The following HMOX2 variants were observed in gnomAD, a reference collection of about 807,000 sequenced individuals.
HMOX2 encodes heme oxygenase 2, also known as heme oxygenase (decycling) 2.
In HMOX2, 30 loss-of-function variants were observed where a neutral mutation model predicts 33.7. That is an observed-to-expected ratio of 0.89 (90% confidence interval 0.67 to 1.21). The LOEUF is 1.21. HMOX2 is among the 50% of genes most tolerant of loss of function. The pLI is 0.00. For missense variants in HMOX2, 403 were observed against 399.1 expected (o/e 1.01, Z -0.08); for synonymous variants, 155 against 155.0 (o/e 1.00, Z 0.00).
At chr16:4,487,698 G>T (rs1015297338) in intron 1 of HMOX2, among the ~76,000 whole-genome samples, 11 of 152,068 alleles carry the variant, frequency 7.2e-5, no homozygotes, top group African/African-American at 2.4e-4. Flanking sequence ...TCCTTGGGAG[G>T]CTGAGGTGGG....
At chr16:4,504,682 CTTTTTT>C (rs56922429) in intron 1 of HMOX2, among the ~76,000 whole-genome samples, 2 of 65,840 alleles carry the variant, frequency 3.0e-5, no homozygotes, top group East Asian at 4.0e-4. Flanking sequence ...TTGATACGGT[CTTTTTT>C]TTTTTTTTTT....
At position 4,476,420 on chromosome 16, in the gene HMOX2, G is replaced by C. The variant is rs1347746146; in HGVS notation, c.-109G>C. On this transcript the variant is annotated 5_prime_UTR_variant, in exon 1 of 6. Transcript: ENST00000570646. ...TCCGCTGGGCTGCAGGGACTGCGGCGCCTGAGGGAGTCGCTGACGGGCACG... is the reference window on the plus strand; with the variant it reads ...TCCGCTGGGCTGCAGGGACTGCGGCCCCTGAGGGAGTCGCTGACGGGCACG... The C allele has an allele frequency of 1.3e-5, 2 of 152,278 alleles. No individual in the cohort carries two copies. The highest frequency in any genetic ancestry group is 2.9e-5 in the Non-Finnish European group (2 of 68,064). 9.4% of individuals were successfully genotyped at this position (152,278 alleles called of 1,614,324 possible).
chr16:4,509,996 G>A lies in HMOX2; in HGVS notation c.*240G>A. 1 of 545,514 alleles carries A rather than the reference G, an allele frequency of 1.8e-6. No homozygotes were observed. Among genetic ancestry groups the A allele is most frequent in the Non-Finnish European group, 3.3e-6 (1 of 305,798 alleles). 33.8% of individuals were successfully genotyped at this position (545,514 alleles called of 1,614,324 possible). On this transcript the variant is annotated 3_prime_UTR_variant, in exon 6 of 6. Coordinates refer to ENST00000570646, the MANE Select transcript of HMOX2 (RefSeq NM_002134.4). Reference sequence around the variant, plus strand: ...CAGTCGGCACAGTGCAGCAAGCCTGGCCCCCGACCCAGCTCTACTCCAGGC... The same window carrying A: ...CAGTCGGCACAGTGCAGCAAGCCTGACCCCCGACCCAGCTCTACTCCAGGC...
At position 4,505,590 on chromosome 16, in the gene HMOX2, A is replaced by C; in HGVS notation, c.66A>C (p.Leu22=). ...CAGAAAAAAAGAACTCTGGGGCCCT[A>C]GAAAAGGAGAACCAAATGAGGTGAG... ...DESEKKNSGA[L]EKENQMRMAD... The change falls in exon 2 of 6, where the codon CTA becomes CTC. Residue 22 remains leucine, a synonymous_variant. Coordinates refer to ENST00000570646, the MANE Select transcript of HMOX2 (RefSeq NM_002134.4). 1 of 1,598,624 alleles carries C rather than the reference A, an allele frequency of 6.3e-7. No individual in the cohort carries two copies. The highest frequency in any genetic ancestry group is 8.5e-7 in the Non-Finnish European group (1 of 1,171,816).
chr16:4,483,973 AT>A (rs34376283), intron 1 of HMOX2, among the ~76,000 whole-genome samples: 198 of 124,632 alleles, frequency 1.6e-3, no homozygotes, highest in African/African-American at 3.6e-3. Flanking sequence ...ATGCCCAAAA[AT>A]TTTTTTTTTT....
Position 4,509,947 on chromosome 16 carries a change from G to T in HMOX2, c.*191G>T, listed in dbSNP as rs1406009869. The T allele has an allele frequency of 1.5e-6, 1 of 649,116 alleles. No individual in the cohort carries two copies. Among genetic ancestry groups the T allele is most frequent in the African/African-American group, 1.8e-5 (1 of 54,944 alleles). 40.2% of individuals were successfully genotyped at this position (649,116 alleles called of 1,614,324 possible). On this transcript the variant is annotated 3_prime_UTR_variant, in exon 6 of 6. Transcript: ENST00000570646. Reference sequence around the variant, plus strand: ...CTCTCTATGGGCCATATTCCGCACTGGGCACAGGCCGTCACCCTGGGAGCA... The same window carrying T: ...CTCTCTATGGGCCATATTCCGCACTTGGCACAGGCCGTCACCCTGGGAGCA...
chr16:4,487,045 C>T (rs2058186050), intron 1 of HMOX2, among the ~76,000 whole-genome samples: 1 of 151,968 alleles, frequency 6.6e-6, no homozygotes, highest in Admixed American at 6.6e-5. Context: ...TTGCTTGAGC[C>T]CAGGAGTTCG....
chr16:4,483,269 C>A (rs757683147), intron 1 of HMOX2, among the ~76,000 whole-genome samples: 1 of 149,598 alleles, frequency 6.7e-6, no homozygotes, highest in Non-Finnish European at 1.5e-5. Context: ...ACGTTATTGG[C>A]CACTGGTGAT....
upstream of HMOX2, among the ~76,000 whole-genome samples, chr16:4,475,575 G>A (rs1354246590): frequency 1.3e-5 from 2 of 151,552 alleles, no homozygotes; most frequent in East Asian, 2.0e-4. Flanking sequence ...GGCTCCCAAA[G>A]TGCTGGGATT....
intron 1 of HMOX2, among the ~76,000 whole-genome samples, chr16:4,491,544 T>TG (rs969031596): frequency 6.6e-6 from 1 of 151,744 alleles, no homozygotes; most frequent in Non-Finnish European, 1.5e-5. Flanking sequence ...CCCAGGTACT[T>TG]GGGGGGCTGA....
At chr16:4,490,667 T>G (rs2058282315) in intron 1 of HMOX2, among the ~76,000 whole-genome samples, 1 of 152,222 alleles carries the variant, frequency 6.6e-6, no homozygotes, top group South Asian at 2.1e-4. Context: ...TTGTCATTTG[T>G]GGGCAGTGCC....
At chr16:4,506,650 T>C (rs1011897693) in intron 2 of HMOX2, among the ~76,000 whole-genome samples, 1 of 152,222 alleles carries the variant, frequency 6.6e-6, no homozygotes, top group Admixed American at 6.5e-5. Context: ...TGGGTACTAC[T>C]CTCAAGGAGC....
chr16:4,481,087 C>G (rs183803029), intron 1 of HMOX2, among the ~76,000 whole-genome samples: 131 of 151,758 alleles, frequency 8.6e-4, no homozygotes, highest in Middle Eastern at 6.8e-3. Flanking sequence ...TGGCTCGCAC[C>G]TGTAATCCCA....
intron 1 of HMOX2, among the ~76,000 whole-genome samples, chr16:4,487,931 A>G (rs566179342): frequency 6.7e-6 from 1 of 148,664 alleles, no homozygotes; most frequent in Non-Finnish European, 1.5e-5. Flanking sequence ...AGCCTTGGCA[A>G]CAAGAGCGAA....
intron 2 of HMOX2, among the ~76,000 whole-genome samples, chr16:4,506,530 A>C (rs975799676): frequency 1.3e-5 from 2 of 152,188 alleles, no homozygotes; most frequent in Non-Finnish European, 2.9e-5. Flanking sequence ...GTTCTTAGAG[A>C]AGCCAGCAAA....
intron 4 of HMOX2, among the ~76,000 whole-genome samples, chr16:4,508,543 G>A (rs889685245): frequency 1.3e-5 from 2 of 152,212 alleles, no homozygotes; most frequent in Admixed American, 6.5e-5. Flanking sequence ...TTTGCTCTGA[G>A]AAGCCCTGCT....
chr16:4,486,466 G>C (rs1266438679), intron 1 of HMOX2, among the ~76,000 whole-genome samples: 2 of 152,242 alleles, frequency 1.3e-5, no homozygotes, highest in African/African-American at 4.8e-5. Flanking sequence ...GAGTATGTCT[G>C]TCCCTAATAC....
intron 1 of HMOX2, among the ~76,000 whole-genome samples, chr16:4,497,539 A>G (rs1265427160): frequency 1.3e-5 from 2 of 152,198 alleles, no homozygotes; most frequent in Non-Finnish European, 2.9e-5. Context: ...CAGTTATAAT[A>G]GGAAGGCTCT....
intron 1 of HMOX2, chr16:4,495,821 C>T (rs2058403603): frequency 6.6e-6 from 1 of 152,164 alleles, no homozygotes; most frequent in Non-Finnish European, 1.5e-5. Flanking sequence ...ATTGTGACCT[C>T]CCTTTGGTAT....
Sources: gnomAD v4.1 joint callset for allele counts (sites outside exome capture counted in the v4.1 genomes callset) on GRCh38, gnomAD v4.1.1 for gene constraint, MANE v1.5 for transcripts, NCBI Gene and HGNC (gene_info 2026-07-23, HGNC 2026-07-21) for gene names.